Variants in HS6ST3 observed in about 807,000 individuals in gnomAD.
HS6ST3 encodes the protein heparan-sulfate 6-O-sulfotransferase 3.
HS6ST3 carries 12 observed loss-of-function variants against 36.7 expected under a neutral mutation model. The ratio of observed to expected loss-of-function variants is 0.33; its 90% CI spans 0.21 to 0.53. The LOEUF is 0.53. Ranked by LOEUF, HS6ST3 falls within the 20% of genes least tolerant of loss-of-function variation. The probability of loss-of-function intolerance (pLI) is 0.95; values close to 1 mark genes in which losing one functional copy is unlikely to be tolerated. For synonymous variants in HS6ST3, 240 were observed against 257.5 expected (o/e 0.93, Z 0.65); for missense variants, 584 against 640.9 (o/e 0.91, Z 0.96).
intron 1 of HS6ST3, among the ~76,000 whole-genome samples, chr13:96,767,520 C>T (rs1877149214): frequency 6.6e-6 from 1 of 152,178 alleles, no homozygotes; most frequent in South Asian, 2.1e-4. Context: ...AAATCTTCCT[C>T]ATTTGTAACC....
At chr13:96,361,084 A>G (rs1342676187) in intron 1 of HS6ST3, among the ~76,000 whole-genome samples, 1 of 152,200 alleles carries the variant, frequency 6.6e-6, no homozygotes, top group Non-Finnish European at 1.5e-5. Flanking sequence ...GGTTAAGATT[A>G]CTAATTGGGC....
chr13:96,095,006 A>G (rs1276890362), intron 1 of HS6ST3, among the ~76,000 whole-genome samples: 1 of 152,170 alleles, frequency 6.6e-6, no homozygotes, highest in Non-Finnish European at 1.5e-5. Flanking sequence ...TCTTGAGTAT[A>G]TATAGAATCA....
chr13:96,524,845 G>C (rs1181233346), intron 1 of HS6ST3, among the ~76,000 whole-genome samples: 3 of 152,190 alleles, frequency 2.0e-5, no homozygotes, highest in African/African-American at 7.2e-5. Flanking sequence ...GCTTTGGCTT[G>C]CCCTCTGTGG....
chr13:96,719,576 C>T (rs1875794664), intron 1 of HS6ST3, among the ~76,000 whole-genome samples: 3 of 152,120 alleles, frequency 2.0e-5, no homozygotes, highest in Non-Finnish European at 2.9e-5. Flanking sequence ...GTGGTTTGTG[C>T]TTTATTAAAG....
chr13:96,175,805 G>C (rs373643289), intron 1 of HS6ST3, among the ~76,000 whole-genome samples: 3 of 151,126 alleles, frequency 2.0e-5, no homozygotes, highest in African/African-American at 7.3e-5. Flanking sequence ...TCTCTCTGAG[G>C]ATATGAATTA....
rs1051110581 is a variant in HS6ST3, at chr13:96,817,859, T to C, written c.708-14631T>C. 3.9e-5 allele frequency among the ~76,000 whole-genome samples: 6 copies of C among 152,290 alleles called. No homozygotes were observed. The East Asian group carries it at 1.2e-3, about 29-fold the overall frequency. On this transcript the variant is annotated intron_variant, in intron 1 of 1. Transcript: ENST00000376705. ...TCACTAAGAAGGGAAATTACAGTTG[T>C]GTTATTCTGTTGCTTAAGGGATGCG...
intron 1 of HS6ST3, among the ~76,000 whole-genome samples, chr13:96,634,743 T>G (rs910381567): frequency 1.3e-5 from 2 of 152,198 alleles, no homozygotes; most frequent in African/African-American, 4.8e-5. Context: ...TTCTCATCAT[T>G]TGCAGAGGTG....
At chr13:96,300,424 A>T (rs1043905323) in intron 1 of HS6ST3, among the ~76,000 whole-genome samples, 3 of 152,070 alleles carry the variant, frequency 2.0e-5, no homozygotes, top group Non-Finnish European at 4.4e-5. Flanking sequence ...CAAGGGGGAA[A>T]TTCATGGCTA....
chr13:96,791,046 G>C (rs901419985), intron 1 of HS6ST3, among the ~76,000 whole-genome samples: 12 of 151,964 alleles, frequency 7.9e-5, no homozygotes, highest in Non-Finnish European at 1.5e-4. Context: ...ACTGATATTA[G>C]ATACAGTTTG....
At chr13:96,146,237 A>G (rs2139320373) in intron 1 of HS6ST3, among the ~76,000 whole-genome samples, 1 of 152,250 alleles carries the variant, frequency 6.6e-6, no homozygotes, top group Middle Eastern at 3.4e-3. Flanking sequence ...TCTCTAAATT[A>G]CCTAGGGCAG....
chr13:96,799,971 T>TAC, intron 1 of HS6ST3, among the ~76,000 whole-genome samples: 1 of 94,902 alleles, frequency 1.1e-5, no homozygotes, highest in South Asian at 2.8e-4. Context: ...TATGTGTATA[T>TAC]ATATATATAT....
At chr13:96,304,313 G>A (rs1347375505) in intron 1 of HS6ST3, among the ~76,000 whole-genome samples, 1 of 152,150 alleles carries the variant, frequency 6.6e-6, no homozygotes, top group Non-Finnish European at 1.5e-5. Context: ...TAGACAGAAA[G>A]AGGCACCAGA....
At chr13:96,495,797 T>A (rs1227064158) in intron 1 of HS6ST3, among the ~76,000 whole-genome samples, 2 of 152,208 alleles carry the variant, frequency 1.3e-5, no homozygotes, top group African/African-American at 2.4e-5. Context: ...AATACTAGAT[T>A]TGCAAAACTT....
chr13:96,474,907 A>G (rs1198542377), intron 1 of HS6ST3, among the ~76,000 whole-genome samples: 1 of 152,210 alleles, frequency 6.6e-6, no homozygotes, highest in East Asian at 1.9e-4. Flanking sequence ...TCAAATAGAA[A>G]GTGAGTGCAG....
chr13:96,716,257 A>G (rs2138465008), intron 1 of HS6ST3, among the ~76,000 whole-genome samples: 1 of 152,278 alleles, frequency 6.6e-6, no homozygotes, highest in South Asian at 2.1e-4. Flanking sequence ...AGATTTTTGT[A>G]AAGTAGAAAT....
intron 1 of HS6ST3, among the ~76,000 whole-genome samples, chr13:96,816,590 G>A (rs1422426397): frequency 6.6e-6 from 1 of 152,136 alleles, no homozygotes; most frequent in Non-Finnish European, 1.5e-5. Context: ...TGATTATGAG[G>A]GACAATCGTG....
chr13:96,718,618 C>G (rs888969680), intron 1 of HS6ST3, among the ~76,000 whole-genome samples: 9 of 152,128 alleles, frequency 5.9e-5, no homozygotes, highest in Non-Finnish European at 8.8e-5. Context: ...ATGACCTACA[C>G]CTAGTTTCAT....
chr13:96,770,081 C>T (rs949381963), intron 1 of HS6ST3, among the ~76,000 whole-genome samples: 10 of 152,142 alleles, frequency 6.6e-5, no homozygotes, highest in South Asian at 2.1e-4. Context: ...CAACATTATA[C>T]CAGTCCTTAT....
At chr13:96,590,790 C>A (rs1283849190) in intron 1 of HS6ST3, among the ~76,000 whole-genome samples, 1 of 152,066 alleles carries the variant, frequency 6.6e-6, no homozygotes, top group African/African-American at 2.4e-5. Flanking sequence ...GAGAGTTTCT[C>A]CAATGTTTTC....
Sources: gnomAD v4.1 joint callset for allele counts (sites outside exome capture counted in the v4.1 genomes callset) on GRCh38, gnomAD v4.1.1 for gene constraint, MANE v1.5 for transcripts, NCBI Gene and HGNC (gene_info 2026-07-23, HGNC 2026-07-21) for gene names.